The following EPS8L1 variants were observed in gnomAD, a reference collection of about 807,000 sequenced individuals.
EPS8L1 encodes the protein epidermal growth factor receptor kinase substrate 8-like protein 1.
EPS8L1 carries 101 observed loss-of-function variants against 91.7 expected under a neutral mutation model. That is an observed-to-expected ratio of 1.10 (90% confidence interval 0.94 to 1.30). The LOEUF (loss-of-function observed/expected upper bound fraction) is 1.30, where lower values mean the gene tolerates loss of function less well. EPS8L1 is among the 50% of genes most tolerant of loss of function. The pLI, the probability that EPS8L1 is intolerant of heterozygous loss-of-function variation, is 0.00. For synonymous variants in EPS8L1, 506 were observed against 445.3 expected, an observed-to-expected ratio of 1.14 and a Z score of -1.72; for missense variants, 1,114 against 1,017.0, an observed-to-expected ratio of 1.10 and a Z score of -1.30.
chr19:55,082,285 G>C lies in EPS8L1; in HGVS notation c.1001G>C (p.Arg334Pro). The C allele has an allele frequency of 6.2e-7, 1 of 1,611,806 alleles. No homozygotes were observed. Among genetic ancestry groups the C allele is most frequent in the Non-Finnish European group, 8.5e-7 (1 of 1,179,510 alleles). The change falls in exon 11 of 20, where the codon CGC (arginine) becomes CCC (proline). Residue 334 changes from arginine to proline, a missense_variant. Transcript: ENST00000201647. ...KYAFSLLARLRGNIADPSSPE... is the reference protein window; with the variant it reads ...KYAFSLLARLPGNIADPSSPE... ...CTCCCCACGCCCCAGGCCCGGCTGCGCGGCAACATCGCCGACCCCTCCTCT... is the reference window on the plus strand; with the variant it reads ...CTCCCCACGCCCCAGGCCCGGCTGCCCGGCAACATCGCCGACCCCTCCTCT...
rs754926324 is a variant in EPS8L1 at position 55,087,414 on chromosome 19, C to G, written c.2064C>G (p.Thr688=). 11 of 1,613,960 alleles carry G rather than the reference C, an allele frequency of 6.8e-6. No individual in the cohort carries two copies. Among genetic ancestry groups the G allele is most frequent in the Admixed American group, 1.7e-5 (1 of 60,004 alleles). The change falls in exon 19 of 20, where the codon ACC becomes ACG. Residue 688 remains threonine, a synonymous_variant. Coordinates refer to ENST00000201647, the MANE Select transcript of EPS8L1 (RefSeq NM_133180.3). Reference sequence around the variant, plus strand: ...GGGCACGTGTGTACAGCCAGGTCACCGTGCAGCGCTCGCTGCTGGAGGTGA... The same window carrying G: ...GGGCACGTGTGTACAGCCAGGTCACGGTGCAGCGCTCGCTGCTGGAGGTGA... ...EEGARVYSQV[T]VQRSLLEDKE... is the part of the protein sequence containing the mutation.
At position 55,081,856 on chromosome 19, in the gene EPS8L1, G is replaced by A. The variant is rs2076271091; in HGVS notation, c.858G>A (p.Glu286=). The change falls in exon 9 of 20, where the codon GAG becomes GAA. Residue 286 remains glutamate (E), a synonymous_variant. Transcript: ENST00000201647. The surrounding 1 kb of genome is among the most constrained non-coding windows in gnomAD (Gnocchi z 4.9). The part of the protein sequence containing the change: ...QKSAEAARVL[E]HRERGRRSRR... ...CGGCGGAGGCGGCCAGGGTGCTGGA[G>A]CACCGGGAACGCGGCCGCAGGAGCC... is the stretch of plus-strand genomic sequence containing the variant. 3.7e-6 allele frequency: 6 copies of A among 1,611,126 alleles called. No homozygotes were observed. In the East Asian group the frequency reaches 1.1e-4, roughly 30 times the overall value.
rs2076280563 is a variant in EPS8L1, at chr19:55,082,166, GC to G, written c.978del (p.Phe327SerfsTer29). On this transcript the variant is annotated frameshift_variant, in exon 10 of 20. Transcript: ENST00000201647. LOFTEE classifies it high-confidence loss of function. ...CGACGTGCTGCAGAAGATCAAGTACGCCTTCAGCCTGCTGGTGAGGACGCGC... is the reference window on the plus strand; with the variant it reads ...CGACGTGCTGCAGAAGATCAAGTACGCTTCAGCCTGCTGGTGAGGACGCGC... Reference protein sequence around the residue: ...YTDVLQKIKYAFSLLARLRGN... With the variant: ...YTDVLQKIKYXFSLLARLRGN... 3.1e-6 allele frequency: 5 copies of G among 1,599,884 alleles called. No homozygotes were observed. The East Asian group carries it at 1.1e-4, about 36-fold the overall frequency.
At chr19:55,087,258 G>A (rs1339738125) in intron 18 of EPS8L1, 45 bp from the exon 19 acceptor site, 1 of 1,552,954 alleles carries the variant, frequency 6.4e-7, no homozygotes, top group Admixed American at 1.9e-5. Flanking sequence ...CCGGGCTGGG[G>A]CATCCGCCGA....
At position 55,077,429 on chromosome 19, in the gene EPS8L1, C is replaced by T. The variant is rs186613671; in HGVS notation, c.18-659C>T. On this transcript the variant is annotated intron_variant, in intron 2 of 19. Coordinates refer to ENST00000201647, the MANE Select transcript of EPS8L1 (RefSeq NM_133180.3). ...CAACAGCCCTACCAGATGGTTACTA[C>T]GTTACAGAAAGAAAAACTGAGGCAG... Among the ~76,000 whole-genome samples the T allele has an allele frequency of 2.3e-3, 345 of 152,032 alleles. 4 individuals carry two copies. Among genetic ancestry groups the T allele is most frequent in the African/African-American group, 7.9e-3 (329 of 41,458 alleles).
chr19:55,087,648 C>T lies in EPS8L1; in HGVS notation c.*34C>T, dbSNP rs748727908. On this transcript the variant is annotated 3_prime_UTR_variant, in exon 20 of 20. Coordinates refer to ENST00000201647, the MANE Select transcript of EPS8L1 (RefSeq NM_133180.3). The stretch of plus-strand genomic sequence containing the variant: ...GCGCCCTTCGCAAAGAGTGACGAGG[C>T]CCCGTGGGAGAACGGACTCCTCAGA... 2.5e-6 allele frequency: 4 copies of T among 1,607,594 alleles called. No homozygotes were observed. Among genetic ancestry groups the T allele is most frequent in the Admixed American group, 3.4e-5 (2 of 59,656 alleles).
In EPS8L1 at chr19:55,081,531, C is replaced by A. The variant is rs1039057697; in HGVS notation, c.774+39C>A. 7.9e-6 allele frequency: 12 copies of A among 1,511,066 alleles called. No individual in the cohort carries two copies. Among genetic ancestry groups the A allele is most frequent in the Admixed American group, 2.2e-5 (1 of 45,030 alleles). The allele number at this position is 1,511,066 out of a possible 1,614,324, so 93.6% of individuals were successfully genotyped here. On this transcript the variant is annotated intron_variant, in intron 8 of 19. Coordinates refer to ENST00000201647, the MANE Select transcript of EPS8L1 (RefSeq NM_133180.3). The surrounding 1 kb of genome is among the most constrained non-coding windows in gnomAD (Gnocchi z 4.9). ...GAAGGGGTCTGGGGGCAGGGCCAGG[C>A]GACTGGAGGCGGGGCTAGGGCGTGG...
At chr19:55,082,768 A>G (rs1230724019) in intron 12 of EPS8L1, among the ~76,000 whole-genome samples, 166 bp downstream of exon 12, 1 of 149,554 alleles carries the variant, frequency 6.7e-6, no homozygotes, top group Non-Finnish European at 1.5e-5. Flanking sequence ...CCAAGATTCA[A>G]TTGGAGGAAA....
At chr19:55,087,073 TC>T (rs1320913783) in intron 18 of EPS8L1, 185 bp downstream of exon 18, 54 of 1,044,762 alleles carry the variant, frequency 5.2e-5, no homozygotes, top group Non-Finnish European at 7.0e-5. Flanking sequence ...TTTTTCAGAC[TC>T]CGACTGGATT....
In EPS8L1 at chr19:55,082,530, T is replaced by A. The variant is rs368638224; in HGVS notation, c.1142T>A (p.Leu381Gln). ...CATCTGACATCGGATGCCGTGGCGC[T>A]GCTGCGGGACAACGTCACTCCACGT... is the stretch of plus-strand genomic sequence containing the variant. ...RPHLTSDAVA[L>Q]LRDNVTPREN... is the part of the protein sequence containing the mutation. The change falls in exon 12 of 20, where the codon CTG becomes CAG. Residue 381 changes from leucine to glutamine, a missense_variant. Transcript: ENST00000201647. 37 of 1,610,884 alleles carry A rather than the reference T, an allele frequency of 2.3e-5. No individual in the cohort carries two copies. Among genetic ancestry groups the A allele is most frequent in the Non-Finnish European group, 3.1e-5 (37 of 1,179,220 alleles).
In EPS8L1 at chr19:55,081,914, G is replaced by T; in HGVS notation, c.901+15G>T. ...GGCGGCTGGGGGTAAGGGGCACCCT[G>T]GCGTGGGATCTGAACCCCCTCCCGA... On this transcript the variant is annotated intron_variant, in intron 9 of 19. Transcript: ENST00000201647. This position sits in a 1 kb window ranked among gnomAD's most constrained non-coding sequence, Gnocchi z 4.9. 1 of 1,603,138 alleles carries T rather than the reference G, an allele frequency of 6.2e-7. No individual in the cohort carries two copies. Among genetic ancestry groups the T allele is most frequent in the Non-Finnish European group, 8.5e-7 (1 of 1,173,626 alleles).
chr19:55,087,135 G>A (rs2076361339), intron 18 of EPS8L1, 168 bp from the exon 19 acceptor site: 11 of 1,169,316 alleles, frequency 9.4e-6, no homozygotes, highest in East Asian at 7.9e-5. Flanking sequence ...CACGCCCCCC[G>A]GGTGGCAACA....
chr19:55,077,566 C>G (rs1336855651), intron 2 of EPS8L1, among the ~76,000 whole-genome samples: 1 of 151,124 alleles, frequency 6.6e-6, no homozygotes, highest in Non-Finnish European at 1.5e-5. Flanking sequence ...CCCAGCACCA[C>G]CGCCTGACCT....
chr19:55,081,454 G>C lies in EPS8L1; in HGVS notation c.736G>C (p.Gly246Arg), dbSNP rs774527274. 3.1e-6 allele frequency: 5 copies of C among 1,600,074 alleles called. No homozygotes were observed. The highest frequency in any genetic ancestry group is 4.3e-6 in the Non-Finnish European group (5 of 1,174,490). Residue 246 changes from glycine (G) to arginine (R), a missense_variant, in exon 8 of 20, where the codon GGT (glycine) becomes CGT (arginine). Gly to Arg is a moderately radical substitution (Grantham distance 125, BLOSUM62 -2). Coordinates refer to ENST00000201647, the MANE Select transcript of EPS8L1 (RefSeq NM_133180.3). The surrounding 1 kb of genome is among the most constrained non-coding windows in gnomAD (Gnocchi z 4.9). ...GGCCTCCCCGGACCTGGGTCCCCGG[G>C]GTCCTGACCTGGCGGTTCTGCAGGC... Reference protein sequence around the residue: ...DSASPDLGPRGPDLAVLQAER... With the variant: ...DSASPDLGPRRPDLAVLQAER...
intron 6 of EPS8L1, 91 bp downstream of exon 6, chr19:55,080,369 G>A: frequency 1.9e-6 from 3 of 1,550,324 alleles, no homozygotes; most frequent in Non-Finnish European, 2.6e-6. Context: ...AGGTGGGGCG[G>A]GGCCTGGGGC....
rs1413845977 is a variant in EPS8L1, at chr19:55,081,178, C to T, written c.513-53C>T. 4 of 1,461,648 alleles carry T rather than the reference C, an allele frequency of 2.7e-6. No individual in the cohort carries two copies. The highest frequency in any genetic ancestry group is 4.8e-5 in the East Asian group (2 of 41,268). 90.5% of individuals were successfully genotyped at this position (1,461,648 alleles called of 1,614,324 possible). A position where few individuals can be genotyped will look rare whatever the true frequency, so the allele number is the denominator to read the frequency against. On this transcript the variant is annotated intron_variant, in intron 7 of 19. Coordinates refer to ENST00000201647, the MANE Select transcript of EPS8L1 (RefSeq NM_133180.3). This position sits in a 1 kb window ranked among gnomAD's most constrained non-coding sequence, Gnocchi z 4.9. ...CTCGTTCTGCGCCCTGGATTTCCCC[C>T]TCCCTGGACCCCTCAGTGGACCCAG...
rs1007496125 is a variant in EPS8L1, at chr19:55,079,813, T to G, written c.241T>G (p.Ser81Ala). ...VWAQEMLLRVSPDHVTLLDPA... is the reference protein window; with the variant it reads ...VWAQEMLLRVAPDHVTLLDPA... ...GGCACAGGAGATGCTGCTGCGAGTGTCTCCCGACCATGTCACGCTGCTCGA... is the reference window on the plus strand; with the variant it reads ...GGCACAGGAGATGCTGCTGCGAGTGGCTCCCGACCATGTCACGCTGCTCGA... Residue 81 changes from serine (S) to alanine (A), a missense_variant, in exon 5 of 20, where the codon TCT becomes GCT. Physicochemically the swap from Ser to Ala is moderately conservative, Grantham distance 99. Coordinates refer to ENST00000201647, the MANE Select transcript of EPS8L1 (RefSeq NM_133180.3). The G allele has an allele frequency of 1.9e-6, 3 of 1,613,896 alleles. No homozygotes were observed. The highest frequency in any genetic ancestry group is 1.7e-6 in the Non-Finnish European group (2 of 1,179,962).
intron 18 of EPS8L1, 122 bp downstream of exon 18, chr19:55,087,010 A>C: frequency 1.5e-6 from 2 of 1,294,430 alleles, no homozygotes; most frequent in Non-Finnish European, 2.0e-6. Flanking sequence ...GATTAGCCCG[A>C]AGTGAGGGTC....
At position 55,081,530 on chromosome 19, in the gene EPS8L1, G is replaced by A; in HGVS notation, c.774+38G>A. On this transcript the variant is annotated intron_variant, in intron 8 of 19. Transcript: ENST00000201647. This position sits in a 1 kb window ranked among gnomAD's most constrained non-coding sequence, Gnocchi z 4.9. ...GGAAGGGGTCTGGGGGCAGGGCCAG[G>A]CGACTGGAGGCGGGGCTAGGGCGTG... is the stretch of plus-strand genomic sequence containing the variant. 6.6e-7 allele frequency: 1 copy of A among 1,518,574 alleles called. No homozygotes were observed. Among genetic ancestry groups the A allele is most frequent in the Non-Finnish European group, 8.8e-7 (1 of 1,135,462 alleles). 94.1% of individuals were successfully genotyped at this position (1,518,574 alleles called of 1,614,324 possible).
Sources: allele counts gnomAD v4.1 joint callset (sites outside exome capture counted in the v4.1 genomes callset), GRCh38; gene constraint gnomAD v4.1.1; non-coding constraint Gnocchi (gnomAD v3.1); transcripts MANE v1.5; gene names NCBI Gene and HGNC (gene_info 2026-07-23, HGNC 2026-07-21).